The following MAPK10 variants were observed in gnomAD, a reference collection of about 807,000 sequenced individuals.
MAPK10 encodes the protein mitogen-activated protein kinase 10, also known as JNK3 alpha protein kinase.
In MAPK10, 25 loss-of-function variants were observed where a neutral mutation model predicts 59.3. That is an observed-to-expected ratio of 0.42 (90% CI 0.31 to 0.59). MAPK10 has a LOEUF of 0.59. Ranked by LOEUF, MAPK10 falls within the 20% of genes least tolerant of loss-of-function variation. MAPK10 has a pLI of 0.15. For missense variants in MAPK10, 351 were observed against 568.9 expected, an observed-to-expected ratio of 0.62 and a Z score of 3.90; for synonymous variants, 190 against 200.5, an observed-to-expected ratio of 0.95 and a Z score of 0.44.
intron 9 of MAPK10, among the ~76,000 whole-genome samples, chr4:86,086,014 CA>C (rs1408714376): frequency 1.3e-5 from 2 of 151,946 alleles, no homozygotes; most frequent in African/African-American, 4.8e-5. Context: ...TGGGGCCTGT[CA>C]GGGGAGCTGG....
At chr4:86,220,011 G>A (rs945887184) in intron 2 of MAPK10, 57 of 152,116 alleles carry the variant, frequency 3.7e-4, no homozygotes, top group African/African-American at 6.7e-4. Flanking sequence ...TTTGCCAAGC[G>A]TATGTTTACA....
At chr4:86,021,784 G>A (rs931190989) in intron 13 of MAPK10, among the ~76,000 whole-genome samples, 37 of 152,354 alleles carry the variant, frequency 2.4e-4, no homozygotes, top group African/African-American at 8.9e-4. Flanking sequence ...GCGAGAAATC[G>A]AGCACAGCGC....
At position 86,041,339 on chromosome 4, in the gene MAPK10, G is replaced by A. The variant is rs372462660; in HGVS notation, c.1111-9908C>T. ...CTTATACAAAAATTAACTCAAGATC[G>A]ATTAAAGACTTAAATGTAAAACCCA... On this transcript the variant is annotated intron_variant, in intron 11 of 13. Transcript: ENST00000641462. 1.8e-4 allele frequency among the ~76,000 whole-genome samples: 28 copies of A among 152,144 alleles called. No individual in the cohort carries two copies. The East Asian group carries it at 5.2e-3, about 28-fold the overall frequency.
upstream of MAPK10, among the ~76,000 whole-genome samples, chr4:86,456,890 T>C (rs1049800493): frequency 2.0e-5 from 3 of 152,120 alleles, no homozygotes; most frequent in Non-Finnish European, 4.4e-5. Context: ...CTGATGAACA[T>C]AGATGCTAAA....
At chr4:86,408,849 G>A (rs544242443) in intron 1 of MAPK10, among the ~76,000 whole-genome samples, 1 of 152,250 alleles carries the variant, frequency 6.6e-6, no homozygotes, top group South Asian at 2.1e-4. Context: ...CATTCTGTAG[G>A]TTGCCTGTTC....
intron 2 of MAPK10, chr4:86,332,530 C>T (rs1466259085): frequency 3.3e-5 from 5 of 152,106 alleles, no homozygotes; most frequent in African/African-American, 7.2e-5. Context: ...TTAGAGGATA[C>T]GTTTCAGTCC....
chr4:86,354,102 TTGTG>T (rs761588734), intron 2 of MAPK10, among the ~76,000 whole-genome samples: 1 of 148,118 alleles, frequency 6.8e-6, no homozygotes, highest in African/African-American at 2.5e-5. Context: ...AAGAGCTAAA[TTGTG>T]TGTGTGTGTG....
At chr4:86,168,053 C>T (rs1464130868) in intron 3 of MAPK10, among the ~76,000 whole-genome samples, 1 of 152,172 alleles carries the variant, frequency 6.6e-6, no homozygotes, top group Non-Finnish European at 1.5e-5. Context: ...GATCAATGTG[C>T]AAAAGTTACA....
intron 9 of MAPK10, among the ~76,000 whole-genome samples, chr4:86,091,953 T>C (rs2053298262): frequency 6.6e-6 from 1 of 152,120 alleles, no homozygotes; most frequent in Non-Finnish European, 1.5e-5. Context: ...ATTACAGGCA[T>C]GAGACACCAT....
intron 2 of MAPK10, among the ~76,000 whole-genome samples, chr4:86,288,228 G>T (rs1010038398): frequency 4.0e-5 from 6 of 151,536 alleles, no homozygotes; most frequent in Admixed American, 2.6e-4. Context: ...CAATGTGCAG[G>T]TTAGTTACAT....
chr4:86,080,139 TAC>T (rs1384253740), intron 9 of MAPK10: 1 of 151,992 alleles, frequency 6.6e-6, no homozygotes, highest in Non-Finnish European at 1.5e-5. Context: ...CAGAGTTTTG[TAC>T]ACACATAATA....
chr4:86,378,205 T>C (rs931435683), intron 1 of MAPK10, among the ~76,000 whole-genome samples: 1 of 152,168 alleles, frequency 6.6e-6, no homozygotes, highest in Non-Finnish European at 1.5e-5. Flanking sequence ...TTCCTTATCA[T>C]AGCCTGCCAG....
chr4:86,163,519 AT>A (rs2070560112), intron 3 of MAPK10, among the ~76,000 whole-genome samples: 1 of 152,132 alleles, frequency 6.6e-6, no homozygotes, highest in South Asian at 2.1e-4. Context: ...AAGACAGCAG[AT>A]TATTTAAACC....
intron 4 of MAPK10, among the ~76,000 whole-genome samples, chr4:86,133,514 T>G (rs1036991016): frequency 9.2e-5 from 14 of 152,262 alleles, no homozygotes; most frequent in African/African-American, 3.4e-4. Flanking sequence ...CATAAAAATT[T>G]TTAATGCCTA....
At chr4:86,181,582 G>T (rs2076945693) in intron 3 of MAPK10, among the ~76,000 whole-genome samples, 1 of 152,052 alleles carries the variant, frequency 6.6e-6, no homozygotes, top group Admixed American at 6.6e-5. Flanking sequence ...TTGAAAAATT[G>T]ATTTGATTTT....
At chr4:86,108,269 T>C (rs1443005772) in intron 4 of MAPK10, among the ~76,000 whole-genome samples, 1 of 152,130 alleles carries the variant, frequency 6.6e-6, no homozygotes, top group Non-Finnish European at 1.5e-5. Context: ...TACATGAGTT[T>C]AGAGATCAAA....
intron 1 of MAPK10, among the ~76,000 whole-genome samples, chr4:86,575,260 G>C (rs1338570844): frequency 6.6e-6 from 1 of 152,118 alleles, no homozygotes; most frequent in Non-Finnish European, 1.5e-5. Context: ...TCTCCAACTT[G>C]CAGATGGCAG....
intron 13 of MAPK10, chr4:86,027,625 T>C (rs1433236102): frequency 1.3e-5 from 2 of 152,214 alleles, no homozygotes; most frequent in Non-Finnish European, 2.9e-5. Context: ...GAATTTTGTG[T>C]TTGGAATAGT....
chr4:86,403,089 A>G (rs936192636), intron 1 of MAPK10, among the ~76,000 whole-genome samples: 3 of 152,174 alleles, frequency 2.0e-5, no homozygotes, highest in Non-Finnish European at 4.4e-5. Context: ...GAAAGGAACT[A>G]AATCAATTTT....
Sources: gnomAD v4.1 joint callset for allele counts (sites outside exome capture counted in the v4.1 genomes callset) on GRCh38, gnomAD v4.1.1 for gene constraint, MANE v1.5 for transcripts, NCBI Gene and HGNC (gene_info 2026-07-23, HGNC 2026-07-21) for gene names.